EFNA5: variants seen among roughly 807,000 people sequenced by gnomAD.
The protein encoded by EFNA5 is ephrin-A5.
In EFNA5, 5 loss-of-function variants were observed where a neutral mutation model predicts 22.9. The observed-to-expected ratio is 0.22, with a 90% CI of 0.11 to 0.46. The LOEUF (loss-of-function observed/expected upper bound fraction) is 0.46. Ranked by LOEUF, EFNA5 falls within the 20% of genes least tolerant of loss-of-function variation. EFNA5 has a pLI of 0.99. For synonymous variants in EFNA5, 113 were observed against 112.2 expected, an observed-to-expected ratio of 1.01 and a Z score of -0.04; for missense variants, 237 against 293.3, an observed-to-expected ratio of 0.81 and a Z score of 1.40.
chr5:107,499,086 T>C (rs1444874940), intron 1 of EFNA5, among the ~76,000 whole-genome samples: 1 of 152,154 alleles, frequency 6.6e-6, no homozygotes, highest in Admixed American at 6.5e-5. Flanking sequence ...TTCATTATCA[T>C]AACCAAATAG....
chr5:107,555,153 T>C (rs1273706749), intron 1 of EFNA5, among the ~76,000 whole-genome samples: 1 of 152,086 alleles, frequency 6.6e-6, no homozygotes, highest in African/African-American at 2.4e-5. Context: ...AAATAATGAG[T>C]CTTGGCAAAC....
chr5:107,524,849 C>T (rs528884491), intron 1 of EFNA5, among the ~76,000 whole-genome samples: 1 of 152,120 alleles, frequency 6.6e-6, no homozygotes, highest in Non-Finnish European at 1.5e-5. Flanking sequence ...TGGATAGTTG[C>T]TTCATACTCA....
Position 107,602,526 on chromosome 5 carries a change from C to T in EFNA5, c.125+67963G>A, listed in dbSNP as rs144252251. Among the ~76,000 whole-genome samples, 154 of 152,264 alleles carry T rather than the reference C, an allele frequency of 1.0e-3. 1 individual carries two copies. Among genetic ancestry groups the T allele is most frequent in the African/African-American group, 3.6e-3 (148 of 41,530 alleles). The stretch of plus-strand genomic sequence containing the variant: ...CCCAGAACATCAGGAACAAAACAAA[C>T]GAACATTCAAGCTAAATGAAAACAG... On this transcript the variant is annotated intron_variant, in intron 1 of 4. Coordinates refer to ENST00000333274, the MANE Select transcript of EFNA5 (RefSeq NM_001962.3).
chr5:107,565,024 A>T (rs1462416361), intron 1 of EFNA5, among the ~76,000 whole-genome samples: 1 of 152,170 alleles, frequency 6.6e-6, no homozygotes, highest in East Asian at 1.9e-4. Context: ...AAACGTGAAG[A>T]CCAATAATAT....
At chr5:107,414,175 T>C (rs1044822371) in intron 2 of EFNA5, among the ~76,000 whole-genome samples, 1 of 152,202 alleles carries the variant, frequency 6.6e-6, no homozygotes, top group African/African-American at 2.4e-5. Flanking sequence ...AATCAAACTT[T>C]ATGGAAGTGG....
chr5:107,379,179 C>A lies in EFNA5; in HGVS notation c.*2076G>T, dbSNP rs1363733734. On this transcript the variant is annotated 3_prime_UTR_variant, in exon 5 of 5. Transcript: ENST00000333274. The stretch of plus-strand genomic sequence containing the variant: ...AATAGGATTGATTGTATCTGTGAGG[C>A]TGGCAACCCCACACACATGGTTCCA... 6.6e-6 allele frequency: 1 copy of A among 152,112 alleles called. No individual in the cohort carries two copies. Among genetic ancestry groups the A allele is most frequent in the Non-Finnish European group, 1.5e-5 (1 of 68,032 alleles). The allele number at this position is 152,112 out of a possible 1,614,324, so 9.4% of individuals were successfully genotyped here. A position where few individuals can be genotyped will look rare whatever the true frequency, so the allele number is the denominator to read the frequency against.
intron 1 of EFNA5, among the ~76,000 whole-genome samples, chr5:107,587,821 A>C (rs2112499689): frequency 6.6e-6 from 1 of 152,214 alleles, no homozygotes; most frequent in African/African-American, 2.4e-5. Flanking sequence ...CTGGCCTGCC[A>C]CCTATAGTTT....
intron 1 of EFNA5, among the ~76,000 whole-genome samples, chr5:107,660,435 A>G (rs939813596): frequency 6.6e-6 from 1 of 150,690 alleles, no homozygotes; most frequent in Non-Finnish European, 1.5e-5. Flanking sequence ...TAAAGTATGT[A>G]TACAATGCTA....
intron 1 of EFNA5, among the ~76,000 whole-genome samples, chr5:107,598,812 A>G (rs1209922859): frequency 6.6e-6 from 1 of 152,210 alleles, no homozygotes; most frequent in Non-Finnish European, 1.5e-5. Flanking sequence ...GATCTAAATG[A>G]AATTTTAATA....
At chr5:107,547,221 G>A (rs966169593) in intron 1 of EFNA5, among the ~76,000 whole-genome samples, 1 of 152,170 alleles carries the variant, frequency 6.6e-6, no homozygotes, top group Non-Finnish European at 1.5e-5. Flanking sequence ...TAGCAGAAAA[G>A]ATACAACTTC....
chr5:107,606,918 A>T (rs2112517195), intron 1 of EFNA5, among the ~76,000 whole-genome samples: 1 of 152,280 alleles, frequency 6.6e-6, no homozygotes, highest in East Asian at 1.9e-4. Flanking sequence ...ATTTCTTTTT[A>T]AAATACTTCT....
chr5:107,457,588 A>T (rs530042303), intron 1 of EFNA5, among the ~76,000 whole-genome samples: 1 of 152,278 alleles, frequency 6.6e-6, no homozygotes, highest in African/African-American at 2.4e-5. Flanking sequence ...TTTTATTTCA[A>T]ATATTTTCAA....
intron 1 of EFNA5, among the ~76,000 whole-genome samples, chr5:107,502,682 A>C (rs1747162584): frequency 6.6e-6 from 1 of 152,222 alleles, no homozygotes; most frequent in Non-Finnish European, 1.5e-5. Context: ...TATGACTTCT[A>C]AATTCCTTTC....
chr5:107,501,740 C>T lies in EFNA5; in HGVS notation c.126-74231G>A, dbSNP rs139115141. The stretch of plus-strand genomic sequence containing the variant: ...TATTTTAAGCCTCACTTTGTTGAAG[C>T]AGCAATTATTTTCATAACCTGAATT... On this transcript the variant is annotated intron_variant, in intron 1 of 4. Coordinates refer to ENST00000333274, the MANE Select transcript of EFNA5 (RefSeq NM_001962.3). Among the ~76,000 whole-genome samples, 552 of 152,204 alleles carry T rather than the reference C, an allele frequency of 3.6e-3. 7 individuals are homozygous for T. Among genetic ancestry groups the T allele is most frequent in the African/African-American group, 0.013 (533 of 41,522 alleles).
chr5:107,436,379 G>A (rs1463418207), intron 1 of EFNA5, among the ~76,000 whole-genome samples: 1 of 152,188 alleles, frequency 6.6e-6, no homozygotes, highest in African/African-American at 2.4e-5. Context: ...CTCGGGCATG[G>A]AGTAAGAGTG....
intron 1 of EFNA5, among the ~76,000 whole-genome samples, chr5:107,646,697 C>T (rs1481648625): frequency 6.6e-6 from 1 of 152,108 alleles, no homozygotes; most frequent in African/African-American, 2.4e-5. Flanking sequence ...GTTGAGAAAA[C>T]ATTCAACTGC....
chr5:107,459,039 T>G (rs985221255), intron 1 of EFNA5, among the ~76,000 whole-genome samples: 57 of 152,188 alleles, frequency 3.7e-4, no homozygotes, highest in African/African-American at 1.3e-3. Flanking sequence ...CTTTGTTCTT[T>G]AACTTAAGGA....
At chr5:107,605,826 T>A (rs1349468587) in intron 1 of EFNA5, among the ~76,000 whole-genome samples, 1 of 152,164 alleles carries the variant, frequency 6.6e-6, no homozygotes, top group Non-Finnish European at 1.5e-5. Flanking sequence ...CAGGCTTTCT[T>A]CCCTCCTTGT....
intron 1 of EFNA5, among the ~76,000 whole-genome samples, chr5:107,654,097 T>C (rs1036895324): frequency 6.6e-6 from 1 of 152,118 alleles, no homozygotes; most frequent in Admixed American, 6.6e-5. Context: ...GAAAGGTTAA[T>C]CTATGGCTAT....
Sources: gnomAD v4.1 joint callset for allele counts (sites outside exome capture counted in the v4.1 genomes callset) on GRCh38, gnomAD v4.1.1 for gene constraint, MANE v1.5 for transcripts, NCBI Gene and HGNC (gene_info 2026-07-23, HGNC 2026-07-21) for gene names.